The following SVOPL variants were observed in gnomAD, a reference collection of about 807,000 sequenced individuals.
The protein encoded by SVOPL is putative transporter SVOPL.
A neutral mutation model predicts 61.0 loss-of-function variants in SVOPL; 60 were observed. That is an observed-to-expected ratio of 0.98 (90% CI 0.80 to 1.22). The LOEUF (loss-of-function observed/expected upper bound fraction) is 1.22. Among genes scored for constraint, SVOPL ranks in the 50% most tolerant of loss-of-function variants. SVOPL has a pLI of 0.00. For synonymous variants in SVOPL, 279 were observed against 250.0 expected (o/e 1.12, Z -1.09); for missense variants, 662 against 643.9 (o/e 1.03, Z -0.30).
At position 138,632,544 on chromosome 7, in the gene SVOPL, A is replaced by T. The variant is rs79278696; in HGVS notation, c.790-2422T>A. Reference sequence around the variant, plus strand: ...AAAGTGGGGAGGAGGAGGAAGTGGGAACAGAAGGATGAAGAGGGAAGGTGA... The same window carrying T: ...AAAGTGGGGAGGAGGAGGAAGTGGGTACAGAAGGATGAAGAGGGAAGGTGA... On this transcript the variant is annotated intron_variant, in intron 9 of 15. Transcript: ENST00000674285. Among the ~76,000 whole-genome samples the T allele has an allele frequency of 5.6e-3, 852 of 152,062 alleles. 7 individuals carry two copies. The highest frequency in any genetic ancestry group is 0.02 in the African/African-American group (813 of 41,504).
intron 6 of SVOPL, among the ~76,000 whole-genome samples, 192 bp from the exon 7 acceptor site, chr7:138,656,703 G>T (rs901803674): frequency 6.6e-6 from 1 of 151,998 alleles, no homozygotes; most frequent in African/African-American, 2.4e-5. Context: ...ATTGCTCCTG[G>T]GTTTACATCT....
rs76760642 is a variant in SVOPL at position 138,695,231 on chromosome 7, G to A, written c.-35+5947C>T. On this transcript the variant is annotated intron_variant, in intron 1 of 15. Transcript: ENST00000674285. ...ACTGTGGAAGAAAGACAAGCATTCC[G>A]CCAGGCACAATGGCTCACACCTGTA... 2.7e-3 allele frequency among the ~76,000 whole-genome samples: 406 copies of A among 152,238 alleles called. 11 individuals carry two copies. In the East Asian group the frequency reaches 0.067, roughly 25 times the overall value.
intron 14 of SVOPL, among the ~76,000 whole-genome samples, chr7:138,599,768 G>A (rs1164101354): frequency 6.6e-6 from 1 of 151,850 alleles, no homozygotes; most frequent in Non-Finnish European, 1.5e-5. Flanking sequence ...TGCACCTGTG[G>A]TCCCAGCTAC....
chr7:138,688,923 C>T (rs1398933669), intron 1 of SVOPL: 15 of 492,778 alleles, frequency 3.0e-5, no homozygotes, highest in Non-Finnish European at 5.0e-5. Context: ...AGATGTAATT[C>T]GTTAAGATAA....
At chr7:138,656,555 T>G (rs1218766772) in intron 6 of SVOPL, 44 bp from the exon 7 acceptor site, 1 of 1,585,980 alleles carries the variant, frequency 6.3e-7, no homozygotes, top group Non-Finnish European at 8.6e-7. Flanking sequence ...TTTAAAAAAC[T>G]AAATCATCTT....
At chr7:138,624,693 CTTTTTTTT>C (rs35627200) in intron 13 of SVOPL, among the ~76,000 whole-genome samples, 1 of 137,996 alleles carries the variant, frequency 7.2e-6, no homozygotes, top group Non-Finnish European at 1.6e-5. Context: ...TAGAACCAAA[CTTTTTTTT>C]TTTTTTTTAA....
At chr7:138,660,021 T>C in intron 5 of SVOPL, 33 bp from the exon 6 acceptor site, 3 of 1,549,792 alleles carry the variant, frequency 1.9e-6, no homozygotes, top group African/African-American at 1.4e-5. Flanking sequence ...GAATGGGACC[T>C]GCCTCAATGC....
At chr7:138,607,257 G>A (rs1428030468) in intron 14 of SVOPL, among the ~76,000 whole-genome samples, 1 of 152,192 alleles carries the variant, frequency 6.6e-6, no homozygotes, top group Non-Finnish European at 1.5e-5. Context: ...AGAGATAGAA[G>A]TTTGGGGTTC....
chr7:138,693,556 A>AGAAG (rs1563140826), intron 1 of SVOPL, among the ~76,000 whole-genome samples: 1 of 131,146 alleles, frequency 7.6e-6, no homozygotes, highest in Non-Finnish European at 1.5e-5. Flanking sequence ...AAAGAAAGAA[A>AGAAG]GAAAGAAAGA....
intron 13 of SVOPL, among the ~76,000 whole-genome samples, chr7:138,623,429 T>C (rs1563097713): frequency 1.3e-5 from 2 of 151,998 alleles, no homozygotes; most frequent in African/African-American, 2.4e-5. Context: ...TAAAACCCCA[T>C]CTTTACTAAA....
intron 10 of SVOPL, among the ~76,000 whole-genome samples, chr7:138,629,215 C>T (rs1294141720): frequency 7.1e-6 from 1 of 140,630 alleles, no homozygotes; most frequent in African/African-American, 2.7e-5. Flanking sequence ...CCATGGATGG[C>T]TTACCTTTCA....
chr7:138,695,886 G>A (rs531149128), intron 1 of SVOPL, among the ~76,000 whole-genome samples: 1 of 151,792 alleles, frequency 6.6e-6, no homozygotes, highest in African/African-American at 2.4e-5. Flanking sequence ...GGGTTCAAGC[G>A]ATTTTCCTGT....
intron 9 of SVOPL, among the ~76,000 whole-genome samples, chr7:138,640,495 C>T (rs1800731130): frequency 6.6e-6 from 1 of 151,864 alleles, no homozygotes; most frequent in Non-Finnish European, 1.5e-5. Context: ...GGTAATCCAC[C>T]CACCTCAGTC....
intron 1 of SVOPL, among the ~76,000 whole-genome samples, chr7:138,683,784 T>C (rs960800527): frequency 5.3e-5 from 8 of 152,002 alleles, no homozygotes; most frequent in Non-Finnish European, 1.2e-4. Flanking sequence ...GCGGGCACAA[T>C]GGCTCATGTC....
intron 3 of SVOPL, among the ~76,000 whole-genome samples, chr7:138,672,814 CT>C (rs1294514394): frequency 6.7e-5 from 10 of 148,758 alleles, no homozygotes; most frequent in Middle Eastern, 3.6e-3. Context: ...ATTTAACAAA[CT>C]TAATGCTACT....
chr7:138,659,838 C>T, intron 6 of SVOPL, 26 bp downstream of exon 6: 1 of 1,550,522 alleles, frequency 6.4e-7, no homozygotes, highest in Non-Finnish European at 8.7e-7. Context: ...GTTTCTGTCT[C>T]AGGGTCCCCT....
At chr7:138,653,737 C>T (rs1050964593) in intron 7 of SVOPL, among the ~76,000 whole-genome samples, 17 of 152,016 alleles carry the variant, frequency 1.1e-4, no homozygotes, top group African/African-American at 3.9e-4. Context: ...AGTTCAAGAC[C>T]AACCTGGCCA....
chr7:138,690,462 A>T (rs1802915860), intron 1 of SVOPL, among the ~76,000 whole-genome samples: 1 of 152,250 alleles, frequency 6.6e-6, no homozygotes, highest in Admixed American at 6.5e-5. Flanking sequence ...ATCATTCAGC[A>T]ATAAGAAGGA....
intron 14 of SVOPL, among the ~76,000 whole-genome samples, chr7:138,604,677 CAAAAAAAAAA>C (rs5887890): frequency 3.4e-5 from 2 of 58,814 alleles, no homozygotes; most frequent in Admixed American, 4.3e-4. Context: ...AACTTTATCT[CAAAAAAAAAA>C]AAAAAAAAAA....
Sources: allele counts gnomAD v4.1 joint callset (sites outside exome capture counted in the v4.1 genomes callset), GRCh38; gene constraint gnomAD v4.1.1; transcripts MANE v1.5; gene names NCBI Gene and HGNC (gene_info 2026-07-23, HGNC 2026-07-21).